Variants in RPA3 observed in about 807,000 individuals in gnomAD.
RPA3 encodes the protein replication protein A3.
Under a neutral mutation model 13.7 loss-of-function variants are expected in RPA3, and 24 were observed. The observed-to-expected ratio is 1.75, with a 90% CI of 1.27 to 2.46. The LOEUF (loss-of-function observed/expected upper bound fraction) is 2.46, where lower values mean the gene tolerates loss of function less well. Among genes scored for constraint, RPA3 ranks in the 30% most tolerant of loss-of-function variants. The pLI is 0.00. For synonymous variants in RPA3, 59 were observed against 51.2 expected (o/e 1.15, Z -0.65); for missense variants, 183 against 151.0 (o/e 1.21, Z -1.11).
intron 4 of RPA3, among the ~76,000 whole-genome samples, chr7:7,645,948 G>C (rs983153701): frequency 9.9e-5 from 15 of 152,172 alleles, no homozygotes; most frequent in African/African-American, 3.1e-4. Context: ...GTGGGACTTG[G>C]AACCAGGGTG....
chr7:7,694,522 C>T (rs576954637), intron 2 of RPA3, among the ~76,000 whole-genome samples: 2 of 152,094 alleles, frequency 1.3e-5, no homozygotes, highest in East Asian at 3.9e-4. Flanking sequence ...TCTCCATTCC[C>T]CACCCCACCC....
At chr7:7,648,166 G>A (rs1239829062) in intron 4 of RPA3, among the ~76,000 whole-genome samples, 6 of 152,150 alleles carry the variant, frequency 3.9e-5, no homozygotes, top group South Asian at 2.1e-4. Context: ...AAGTCATTTC[G>A]TTCTAAATCA....
intron 4 of RPA3, among the ~76,000 whole-genome samples, chr7:7,652,284 C>T (rs1238645218): frequency 1.3e-5 from 2 of 152,126 alleles, no homozygotes; most frequent in African/African-American, 2.4e-5. Flanking sequence ...GTCGATTGTA[C>T]TTCTTGGTCA....
intron 2 of RPA3, among the ~76,000 whole-genome samples, chr7:7,688,321 T>C (rs1780086934): frequency 6.6e-6 from 1 of 152,194 alleles, no homozygotes; most frequent in Admixed American, 6.5e-5. Flanking sequence ...GCATATCTCA[T>C]TGGGTACCTT....
At chr7:7,657,402 A>C (rs891418970) in intron 4 of RPA3, among the ~76,000 whole-genome samples, 2 of 152,150 alleles carry the variant, frequency 1.3e-5, no homozygotes, top group Non-Finnish European at 2.9e-5. Context: ...CTATGTCCTG[A>C]ATGGTATTGC....
At chr7:7,689,024 G>A (rs1780107689) in intron 2 of RPA3, among the ~76,000 whole-genome samples, 3 of 152,122 alleles carry the variant, frequency 2.0e-5, no homozygotes, top group Admixed American at 1.3e-4. Flanking sequence ...GCCTTACTCT[G>A]GGGAGGAGGG....
chr7:7,712,380 A>C (rs1780786949), intron 2 of RPA3, among the ~76,000 whole-genome samples: 1 of 152,122 alleles, frequency 6.6e-6, no homozygotes, highest in African/African-American at 2.4e-5. Flanking sequence ...TCCTTAATAC[A>C]TTTTTGTAAA....
chr7:7,645,280 G>C (rs1164533313), intron 4 of RPA3, among the ~76,000 whole-genome samples: 2 of 152,276 alleles, frequency 1.3e-5, no homozygotes, highest in Non-Finnish European at 2.9e-5. Context: ...TTTAAGTCAA[G>C]ATGGGGTTTA....
At chr7:7,711,427 T>A (rs2115169986) in intron 2 of RPA3, among the ~76,000 whole-genome samples, 2 of 152,320 alleles carry the variant, frequency 1.3e-5, no homozygotes, top group East Asian at 3.9e-4. Flanking sequence ...CCAAGTGGTA[T>A]ATGAAAATTC....
At chr7:7,666,689 G>C (rs1779468006) in intron 4 of RPA3, among the ~76,000 whole-genome samples, 1 of 151,828 alleles carries the variant, frequency 6.6e-6, no homozygotes. Context: ...TTATTGAGCT[G>C]TTTTTTCATT....
intron 4 of RPA3, among the ~76,000 whole-genome samples, chr7:7,662,844 G>T (rs1378182442): frequency 6.6e-6 from 1 of 152,074 alleles, no homozygotes; most frequent in East Asian, 1.9e-4. Flanking sequence ...AGATTTTGTT[G>T]AATAAATTTA....
intron 5 of RPA3, 72 bp downstream of exon 5, chr7:7,640,248 T>TC: frequency 4.1e-6 from 6 of 1,475,216 alleles, no homozygotes; most frequent in South Asian, 3.4e-5. Flanking sequence ...TCCTTTTTCA[T>TC]CCCCCGTTAT....
rs147523661 is a variant in RPA3, at chr7:7,673,122, G to A, written c.-758+12708C>T. On this transcript the variant is annotated intron_variant, in intron 4 of 7. Coordinates refer to ENST00000223129, the MANE Select transcript of RPA3 (RefSeq NM_002947.5). The stretch of plus-strand genomic sequence containing the variant: ...ACTGTGAACTTCAAAGGATACAGGA[G>A]TTTAAATTGGAAGATCATTTTCTAG... Among the ~76,000 whole-genome samples the A allele has an allele frequency of 1.8e-4, 27 of 152,314 alleles. 1 individual carries two copies. Among genetic ancestry groups the A allele is most frequent in the Non-Finnish European group, 3.4e-4 (23 of 68,030 alleles).
chr7:7,637,061 G>C lies in RPA3; in HGVS notation c.305C>G (p.Ala102Gly). 2 of 1,611,576 alleles carry C rather than the reference G, an allele frequency of 1.2e-6. No homozygotes were observed. The highest frequency in any genetic ancestry group is 1.7e-6 in the Non-Finnish European group (2 of 1,177,890). ...HPFDLGLYNE[A>G]VKIIHDFPQF... ...AGGGAAGTCATGGATAATTTTCACA[G>C]CTTCATTGTAAAGTCCAAGATCTGA... is the stretch of plus-strand genomic sequence containing the variant. The change falls in exon 8 of 8, where the codon GCT becomes GGT. Residue 102 changes from alanine to glycine, a missense_variant. By Grantham distance (60) the Ala-to-Gly change is moderately conservative. Coordinates refer to ENST00000223129, the MANE Select transcript of RPA3 (RefSeq NM_002947.5).
At chr7:7,690,825 T>A (rs1381759690) in intron 2 of RPA3, among the ~76,000 whole-genome samples, 1 of 152,224 alleles carries the variant, frequency 6.6e-6, no homozygotes, top group African/African-American at 2.4e-5. Context: ...AGGCATCTTT[T>A]CATTGCTAAA....
intron 2 of RPA3, among the ~76,000 whole-genome samples, chr7:7,712,725 A>G (rs1780798073): frequency 6.6e-6 from 1 of 152,228 alleles, no homozygotes; most frequent in South Asian, 2.1e-4. Context: ...GAAGTGTCAA[A>G]GAAAACATCT....
chr7:7,676,894 T>G (rs899228564), intron 4 of RPA3, among the ~76,000 whole-genome samples: 3 of 152,106 alleles, frequency 2.0e-5, no homozygotes, highest in Non-Finnish European at 4.4e-5. Context: ...AGGTAAACTC[T>G]TTTTTAAAAA....
At chr7:7,667,186 G>A (rs750785646) in intron 4 of RPA3, among the ~76,000 whole-genome samples, 31 of 152,272 alleles carry the variant, frequency 2.0e-4, no homozygotes, top group Non-Finnish European at 4.4e-4. Flanking sequence ...TTATAGGTTG[G>A]GTTCTAGCTC....
chr7:7,642,640 A>G (rs1785000401), intron 4 of RPA3, among the ~76,000 whole-genome samples: 1 of 152,212 alleles, frequency 6.6e-6, no homozygotes, highest in Non-Finnish European at 1.5e-5. Flanking sequence ...TTAAAATATT[A>G]TAAAATACAT....
Sources: gnomAD v4.1 joint callset for allele counts (sites outside exome capture counted in the v4.1 genomes callset) on GRCh38, gnomAD v4.1.1 for gene constraint, MANE v1.5 for transcripts, NCBI Gene and HGNC (gene_info 2026-07-23, HGNC 2026-07-21) for gene names.